GPC5: variants seen among roughly 807,000 people sequenced by gnomAD.
The protein encoded by GPC5 is glypican-5.
Under a neutral mutation model 53.9 loss-of-function variants are expected in GPC5, and 47 were observed. The observed-to-expected ratio is 0.87, with a 90% CI of 0.69 to 1.11. GPC5 has a LOEUF of 1.11. GPC5 is among the 50% of genes most tolerant of loss of function. The pLI is 0.00. For missense variants in GPC5, 748 were observed against 713.1 expected (o/e 1.05, Z -0.56); for synonymous variants, 286 against 263.3 (o/e 1.09, Z -0.84).
intron 5 of GPC5, among the ~76,000 whole-genome samples, chr13:91,765,716 A>G (rs12050058): frequency 0.074 from 11,258 of 152,262 alleles, 764 homozygotes; most frequent in East Asian, 0.22. Context: ...CAAATAGGGG[A>G]AAATTCTTTT....
intron 7 of GPC5, among the ~76,000 whole-genome samples, chr13:92,405,028 T>C (rs1875730708): frequency 2.0e-5 from 3 of 150,364 alleles, no homozygotes; most frequent in African/African-American, 7.4e-5. Flanking sequence ...GTTACAAAAA[T>C]ATCACTACAC....
At chr13:91,524,394 T>A (rs1263932751) in intron 2 of GPC5, among the ~76,000 whole-genome samples, 1 of 152,178 alleles carries the variant, frequency 6.6e-6, no homozygotes, top group Non-Finnish European at 1.5e-5. Context: ...CATTAAGATA[T>A]CAAAATTTCA....
chr13:91,593,110 CCAGGATCCCAGAGGTTCAT>C (rs1458621501), intron 2 of GPC5, among the ~76,000 whole-genome samples: 1 of 152,166 alleles, frequency 6.6e-6, no homozygotes, highest in African/African-American at 2.4e-5. Context: ...CTTTCTGTAG[CCAGGATCCCAGAGGTTCAT>C]CGCAAGGGTG....
At chr13:92,439,295 A>T (rs1206787098) in intron 7 of GPC5, among the ~76,000 whole-genome samples, 4 of 152,204 alleles carry the variant, frequency 2.6e-5, no homozygotes, top group Non-Finnish European at 5.9e-5. Context: ...AACATTTTCA[A>T]ATGCTATAGA....
At chr13:92,432,233 C>CGTA (rs1877120965) in intron 7 of GPC5, among the ~76,000 whole-genome samples, 1 of 152,048 alleles carries the variant, frequency 6.6e-6, no homozygotes, top group Non-Finnish European at 1.5e-5. Context: ...TCCCTGATAT[C>CGTA]GTACTTCTGC....
At chr13:92,541,990 G>A (rs528267644) in intron 7 of GPC5, among the ~76,000 whole-genome samples, 1 of 151,852 alleles carries the variant, frequency 6.6e-6, no homozygotes, top group Non-Finnish European at 1.5e-5. Flanking sequence ...CTCTGTTCTT[G>A]CACCAGAAAG....
chr13:91,801,251 CT>C (rs2038129792), intron 5 of GPC5, among the ~76,000 whole-genome samples: 2 of 71,256 alleles, frequency 2.8e-5, no homozygotes, highest in African/African-American at 9.5e-5. Context: ...GACATCCATA[CT>C]TTGTGTGTGT....
At chr13:92,316,355 C>A (rs1007056685) in intron 7 of GPC5, among the ~76,000 whole-genome samples, 4 of 152,098 alleles carry the variant, frequency 2.6e-5, no homozygotes, top group Non-Finnish European at 5.9e-5. Flanking sequence ...TTAAGCATGA[C>A]AAATATACAG....
chr13:92,219,025 C>T (rs2042430621), intron 7 of GPC5, among the ~76,000 whole-genome samples: 2 of 152,116 alleles, frequency 1.3e-5, no homozygotes, highest in South Asian at 4.1e-4. Flanking sequence ...TTCTACTTTC[C>T]ATGACTATTG....
chr13:92,301,796 G>A (rs1369138154), intron 7 of GPC5, among the ~76,000 whole-genome samples: 1 of 152,092 alleles, frequency 6.6e-6, no homozygotes, highest in Non-Finnish European at 1.5e-5. Flanking sequence ...TACTCGGGAG[G>A]CTGAGGCAGG....
chr13:91,520,734 G>GTATA (rs35078116), intron 2 of GPC5, among the ~76,000 whole-genome samples: 18 of 151,018 alleles, frequency 1.2e-4, no homozygotes, highest in African/African-American at 4.4e-4. Context: ...GTGTGTGTGT[G>GTATA]TATATATATA....
chr13:91,820,866 G>A (rs1037302902), intron 5 of GPC5, among the ~76,000 whole-genome samples: 5 of 152,242 alleles, frequency 3.3e-5, no homozygotes, highest in South Asian at 2.1e-4. Flanking sequence ...GGGAGGCTGA[G>A]GCAGGAGAAT....
At chr13:92,844,554 G>T (rs1566442335) in intron 7 of GPC5, among the ~76,000 whole-genome samples, 1 of 152,018 alleles carries the variant, frequency 6.6e-6, no homozygotes, top group Non-Finnish European at 1.5e-5. Flanking sequence ...GTGTGTGTGT[G>T]TGTATACGTG....
chr13:91,952,210 T>C (rs571572998), intron 6 of GPC5, among the ~76,000 whole-genome samples: 18 of 57,264 alleles, frequency 3.1e-4, no homozygotes, highest in African/African-American at 6.1e-4. Flanking sequence ...TGTGTGTGTA[T>C]GTATTTGTGC....
intron 7 of GPC5, among the ~76,000 whole-genome samples, chr13:92,299,809 G>A (rs2043062909): frequency 1.3e-5 from 2 of 151,978 alleles, no homozygotes; most frequent in Non-Finnish European, 2.9e-5. Context: ...TGTAGAAAGT[G>A]GTTTTTTAAA....
At chr13:91,628,408 CAT>C (rs1259619424) in intron 2 of GPC5, among the ~76,000 whole-genome samples, 6 of 152,080 alleles carry the variant, frequency 3.9e-5, no homozygotes, top group East Asian at 1.9e-4. Context: ...TGTCATAACT[CAT>C]GTGTTATTTC....
rs571574857 is a variant in GPC5 at position 91,720,538 on chromosome 13, C to T, written c.1021-7994C>T. On this transcript the variant is annotated intron_variant, in intron 3 of 7. Coordinates refer to ENST00000377067, the MANE Select transcript of GPC5 (RefSeq NM_004466.6). Reference sequence around the variant, plus strand: ...CTCCACATCTAAATGTTGGAATGCCCAAGAATCAGTCTTCAGCACTGTCTT... The same window carrying T: ...CTCCACATCTAAATGTTGGAATGCCTAAGAATCAGTCTTCAGCACTGTCTT... 4.6e-5 allele frequency among the ~76,000 whole-genome samples: 7 copies of T among 152,128 alleles called. No individual in the cohort carries two copies. The East Asian group carries it at 1.2e-3, about 25-fold the overall frequency.
chr13:91,620,670 A>G (rs948502378), intron 2 of GPC5, among the ~76,000 whole-genome samples: 2 of 152,166 alleles, frequency 1.3e-5, no homozygotes, highest in African/African-American at 4.8e-5. Flanking sequence ...TGAATATGCT[A>G]GCTGCCAGGC....
chr13:92,575,969 C>T (rs1883177672), intron 7 of GPC5, among the ~76,000 whole-genome samples: 1 of 152,062 alleles, frequency 6.6e-6, no homozygotes, highest in Non-Finnish European at 1.5e-5. Context: ...AGATAAAAGC[C>T]AATCAAGACT....
Sources: gnomAD v4.1 joint callset for allele counts (sites outside exome capture counted in the v4.1 genomes callset) on GRCh38, gnomAD v4.1.1 for gene constraint, MANE v1.5 for transcripts, NCBI Gene and HGNC (gene_info 2026-07-23, HGNC 2026-07-21) for gene names.